Variants in KCNK2 observed in about 807,000 individuals in gnomAD.
KCNK2 encodes potassium two pore domain channel subfamily K member 2, also known as potassium channel subfamily K member 2.
In KCNK2, 21 loss-of-function variants were observed where a neutral mutation model predicts 40.5. That is an observed-to-expected ratio of 0.52 (90% CI 0.37 to 0.75). The LOEUF (loss-of-function observed/expected upper bound fraction) is 0.75, where lower values mean the gene tolerates loss of function less well. Ranked by LOEUF, KCNK2 falls within the 30% of genes least tolerant of loss-of-function variation. KCNK2 has a pLI of 0.00. For synonymous variants in KCNK2, 191 were observed against 202.2 expected (o/e 0.94, Z 0.47); for missense variants, 399 against 531.6 (o/e 0.75, Z 2.45).
At chr1:215,150,855 T>C (rs909697871) in intron 3 of KCNK2, among the ~76,000 whole-genome samples, 1 of 152,010 alleles carries the variant, frequency 6.6e-6, no homozygotes, top group African/African-American at 2.4e-5. Flanking sequence ...TATTTTTATT[T>C]CTTTTCTTTC....
intron 1 of KCNK2, among the ~76,000 whole-genome samples, chr1:215,011,010 T>G (rs1166288714): frequency 1.1e-5 from 1 of 93,354 alleles, no homozygotes; most frequent in Non-Finnish European, 1.9e-5. Flanking sequence ...AATATTGTAT[T>G]AAATATATAT....
chr1:215,141,398 T>G (rs1187213528), intron 3 of KCNK2, among the ~76,000 whole-genome samples: 1 of 152,154 alleles, frequency 6.6e-6, no homozygotes, highest in African/African-American at 2.4e-5. Context: ...GGTAATATGT[T>G]GTTCTATGAT....
At chr1:215,016,756 A>T (rs765054251) in intron 1 of KCNK2, among the ~76,000 whole-genome samples, 14 of 152,180 alleles carry the variant, frequency 9.2e-5, no homozygotes, top group Admixed American at 2.0e-4. Flanking sequence ...ATGGAATTAC[A>T]TCAAACTGAA....
chr1:215,188,518 G>A (rs547114104), intron 5 of KCNK2, among the ~76,000 whole-genome samples: 1 of 152,210 alleles, frequency 6.6e-6, no homozygotes, highest in South Asian at 2.1e-4. Context: ...ATTCAGTGGA[G>A]TGCTCAGAGC....
chr1:215,052,232 G>T (rs1658016540), intron 1 of KCNK2, among the ~76,000 whole-genome samples: 1 of 152,192 alleles, frequency 6.6e-6, no homozygotes, highest in South Asian at 2.1e-4. Flanking sequence ...GGGCAGGTTG[G>T]TTCTAGGTGG....
intron 1 of KCNK2, among the ~76,000 whole-genome samples, chr1:215,032,983 T>G (rs1425462402): frequency 6.6e-6 from 1 of 152,084 alleles, no homozygotes; most frequent in African/African-American, 2.4e-5. Flanking sequence ...AGTATTCTCA[T>G]TATATGTAGG....
intron 3 of KCNK2, among the ~76,000 whole-genome samples, chr1:215,129,078 A>T (rs562890732): frequency 6.6e-5 from 10 of 152,176 alleles, no homozygotes; most frequent in African/African-American, 2.2e-4. Flanking sequence ...GAAGGACAGG[A>T]GTAACCACAA....
At chr1:215,118,527 T>C (rs1020145314) in intron 2 of KCNK2, among the ~76,000 whole-genome samples, 1 of 151,966 alleles carries the variant, frequency 6.6e-6, no homozygotes. Flanking sequence ...TAGTTTCTTC[T>C]CAGTGTGGAA....
intron 1 of KCNK2, among the ~76,000 whole-genome samples, chr1:215,007,185 GTATATATATATATATATATATA>G (rs1162302568): frequency 1.1e-3 from 34 of 31,028 alleles, no homozygotes; most frequent in East Asian, 3.9e-3. Context: ...ATGTGTGTGG[GTATATATATATATATATATATA>G]TATATATATA....
intron 1 of KCNK2, among the ~76,000 whole-genome samples, chr1:215,067,866 C>CA (rs891698618): frequency 1.3e-4 from 20 of 150,210 alleles, no homozygotes; most frequent in African/African-American, 3.4e-4. Context: ...GACTCCATCT[C>CA]AAAAAAAAAT....
intron 6 of KCNK2, among the ~76,000 whole-genome samples, chr1:215,207,295 G>A (rs147115393): frequency 0.014 from 2,193 of 152,162 alleles, 53 homozygotes; most frequent in African/African-American, 0.049. Flanking sequence ...TCATAGGAGC[G>A]GGAACCCTAT....
chr1:215,170,401 A>G (rs1455184635), intron 4 of KCNK2, among the ~76,000 whole-genome samples: 1 of 152,178 alleles, frequency 6.6e-6, no homozygotes, highest in South Asian at 2.1e-4. Flanking sequence ...CTTGGAAGAA[A>G]ATTATGGAAA....
intron 1 of KCNK2, among the ~76,000 whole-genome samples, chr1:215,073,377 A>G (rs1209164196): frequency 6.6e-6 from 1 of 152,202 alleles, no homozygotes; most frequent in African/African-American, 2.4e-5. Context: ...ATTCTTGCAA[A>G]GGGGTAATAA....
chr1:215,192,188 A>AAATT (rs1216912760), intron 5 of KCNK2, among the ~76,000 whole-genome samples: 1 of 152,204 alleles, frequency 6.6e-6, no homozygotes, highest in Non-Finnish European at 1.5e-5. Flanking sequence ...ATTAATGTGA[A>AAATT]AATTAATTCA....
At chr1:215,122,059 A>G (rs1661211815) in intron 2 of KCNK2, among the ~76,000 whole-genome samples, 1 of 152,172 alleles carries the variant, frequency 6.6e-6, no homozygotes, top group African/African-American at 2.4e-5. Flanking sequence ...TATGTATACA[A>G]CAGCAATAAC....
chr1:215,200,552 CCATTGAAGG>C (rs1665041443), intron 6 of KCNK2, among the ~76,000 whole-genome samples: 2 of 12,910 alleles, frequency 1.5e-4, no homozygotes. Flanking sequence ...CTTTAGGGAG[CCATTGAAGG>C]ATTTTAAGTA....
chr1:215,195,196 A>G (rs368795291), intron 6 of KCNK2, 104 bp downstream of exon 6: 105 of 942,018 alleles, frequency 1.1e-4, no homozygotes, highest in Admixed American at 3.4e-4. Flanking sequence ...ACATTTTAAA[A>G]TGTTAATATT....
chr1:215,087,899 T>C (rs1489788773), intron 2 of KCNK2, among the ~76,000 whole-genome samples: 2 of 152,222 alleles, frequency 1.3e-5, no homozygotes, highest in Non-Finnish European at 2.9e-5. Context: ...ATTCAAGTTT[T>C]ATTGAAAGAT....
intron 2 of KCNK2, among the ~76,000 whole-genome samples, chr1:215,095,885 A>T (rs1659954449): frequency 6.6e-6 from 1 of 152,070 alleles, no homozygotes; most frequent in Admixed American, 6.6e-5. Flanking sequence ...AACTGAGCAC[A>T]ATTATAAGGA....
Sources: allele counts gnomAD v4.1 joint callset (sites outside exome capture counted in the v4.1 genomes callset), GRCh38; gene constraint gnomAD v4.1.1; transcripts MANE v1.5; gene names NCBI Gene and HGNC (gene_info 2026-07-23, HGNC 2026-07-21).